Variants in TMC1 observed in about 807,000 individuals in gnomAD.
TMC1 encodes the protein transmembrane channel-like protein 1.
In TMC1, 84 loss-of-function variants were observed where a neutral mutation model predicts 105.8. That is an observed-to-expected ratio of 0.79 (90% CI 0.67 to 0.95). TMC1 has a LOEUF of 0.95. TMC1 is among the 40% of genes least tolerant of loss of function. TMC1 has a pLI of 0.00. For missense variants in TMC1, 817 were observed against 914.1 expected (o/e 0.89, Z 1.37); for synonymous variants, 315 against 311.5 (o/e 1.01, Z -0.12).
chr9:72,782,627 C>T (rs1021062073), intron 13 of TMC1, among the ~76,000 whole-genome samples: 4 of 152,014 alleles, frequency 2.6e-5, no homozygotes, highest in African/African-American at 9.7e-5. Flanking sequence ...GAATAAAAAA[C>T]CAATGTACAT....
Position 72,820,842 on chromosome 9 carries a change from G to A in TMC1, c.1764G>A (p.Trp588Ter), listed in dbSNP as rs368084452. The A allele has an allele frequency of 1.4e-5, 23 of 1,613,978 alleles. No homozygotes were observed. Among genetic ancestry groups the A allele is most frequent in the Non-Finnish European group, 1.9e-5 (23 of 1,180,046 alleles). ...GAGCAGAGTTCTGTTTTCTTTCTAG[G>A]ATGGGCTCCTTCTTTGCTCCCAGCC... ...LALIFNQGMI[W>*]MGSFFAPSLP... is the part of the protein sequence containing the mutation. Residue 588 changes from tryptophan (W) to a stop codon, truncating the protein, a stop_gained and splice_region_variant, in exon 20 of 24, where the codon TGG becomes TGA. Transcript: ENST00000297784. LOFTEE classifies it high-confidence loss of function.
chr9:72,722,823 T>C (rs1462953910), intron 8 of TMC1, among the ~76,000 whole-genome samples: 1 of 152,116 alleles, frequency 6.6e-6, no homozygotes, highest in African/African-American at 2.4e-5. Flanking sequence ...GCTTGCCAAT[T>C]TCCGTGGTGT....
chr9:72,780,230 C>A (rs923749709), intron 13 of TMC1, among the ~76,000 whole-genome samples: 8 of 152,158 alleles, frequency 5.3e-5, no homozygotes, highest in African/African-American at 1.9e-4. Flanking sequence ...TCATTACTAT[C>A]ACACTTGCCT....
rs892242400 is a variant in TMC1, at chr9:72,613,025, C to G, written c.-305-3343C>G. Among the ~76,000 whole-genome samples, 4 of 151,910 alleles carry G rather than the reference C, an allele frequency of 2.6e-5. 1 individual carries two copies. In the South Asian group the frequency reaches 8.3e-4, roughly 32 times the overall value. On this transcript the variant is annotated intron_variant, in intron 2 of 23. Transcript: ENST00000297784. Reference sequence around the variant, plus strand: ...AAGAATCACAGAGTTAATTTTATAACTATGAAGGATTGTTAGGAGCTGAGT... The same window carrying G: ...AAGAATCACAGAGTTAATTTTATAAGTATGAAGGATTGTTAGGAGCTGAGT...
chr9:72,576,298 C>T (rs567721091), intron 1 of TMC1, among the ~76,000 whole-genome samples: 8 of 152,272 alleles, frequency 5.3e-5, no homozygotes, highest in Admixed American at 3.3e-4. Context: ...ATACTCTCAG[C>T]TTGTGGGCCA....
intron 5 of TMC1, among the ~76,000 whole-genome samples, chr9:72,653,618 A>G (rs1825844920): frequency 6.6e-6 from 1 of 152,180 alleles, no homozygotes; most frequent in Admixed American, 6.5e-5. Context: ...CAGCCTTAGT[A>G]TACTTTAGGC....
chr9:72,792,122 C>T, intron 16 of TMC1, 57 bp downstream of exon 16: 1 of 1,613,532 alleles, frequency 6.2e-7, no homozygotes, highest in East Asian at 2.2e-5. Flanking sequence ...TTCCCAGTCT[C>T]AAGTTTGCCA....
intron 5 of TMC1, among the ~76,000 whole-genome samples, chr9:72,687,175 A>T (rs1400926281): frequency 6.6e-6 from 1 of 152,202 alleles, no homozygotes; most frequent in African/African-American, 2.4e-5. Flanking sequence ...AATCATCCTA[A>T]TACATCGTGC....
intron 8 of TMC1, among the ~76,000 whole-genome samples, chr9:72,731,742 T>C (rs529504833): frequency 2.6e-5 from 4 of 152,296 alleles, no homozygotes; most frequent in Non-Finnish European, 1.5e-5. Flanking sequence ...CTTCATTGTC[T>C]ATCTGAAGAC....
chr9:72,538,447 G>A (rs13291941), intron 1 of TMC1, among the ~76,000 whole-genome samples: 79,106 of 151,158 alleles, frequency 0.52, 21,650 homozygotes, highest in African/African-American at 0.69. Context: ...GTATTGTATC[G>A]TATTTTTGAG....
At chr9:72,768,472 A>G (rs930388625) in intron 12 of TMC1, among the ~76,000 whole-genome samples, 2 of 152,200 alleles carry the variant, frequency 1.3e-5, no homozygotes, top group Non-Finnish European at 2.9e-5. Flanking sequence ...AAAGTATAAT[A>G]AAAAGTTAAT....
intron 8 of TMC1, among the ~76,000 whole-genome samples, chr9:72,705,693 C>T (rs144274467): frequency 3.8e-4 from 58 of 152,346 alleles, no homozygotes; most frequent in Non-Finnish European, 6.5e-4. Context: ...GGAGAAGGGA[C>T]AGTTCTAACA....
At chr9:72,723,958 T>C (rs1355666381) in intron 8 of TMC1, among the ~76,000 whole-genome samples, 3 of 152,174 alleles carry the variant, frequency 2.0e-5, no homozygotes, top group African/African-American at 4.8e-5. Flanking sequence ...ATTACTCTCA[T>C]AACTGCCTCA....
chr9:72,569,769 T>A (rs1250082656), intron 1 of TMC1, among the ~76,000 whole-genome samples: 2 of 152,146 alleles, frequency 1.3e-5, no homozygotes, highest in African/African-American at 4.8e-5. Flanking sequence ...TTCTATCTTG[T>A]CAGTAATAAG....
At chr9:72,719,650 A>G (rs1177015108) in intron 8 of TMC1, among the ~76,000 whole-genome samples, 1 of 152,178 alleles carries the variant, frequency 6.6e-6, no homozygotes, top group African/African-American at 2.4e-5. Context: ...AAAGTTCACA[A>G]TGCAAGTCTC....
intron 13 of TMC1, 133 bp from the exon 14 acceptor site, chr9:72,788,206 T>G: frequency 3.1e-6 from 3 of 963,636 alleles, no homozygotes; most frequent in South Asian, 1.5e-5. Context: ...TTCTGGTCAT[T>G]AGAACAAACT....
intron 5 of TMC1, among the ~76,000 whole-genome samples, chr9:72,673,265 A>C (rs1281964797): frequency 6.6e-6 from 1 of 151,394 alleles, no homozygotes; most frequent in Non-Finnish European, 1.5e-5. Flanking sequence ...ATCTCAAGCC[A>C]GTGATCTCAG....
intron 1 of TMC1, among the ~76,000 whole-genome samples, chr9:72,529,768 T>G (rs185794076): frequency 2.0e-5 from 3 of 152,238 alleles, no homozygotes; most frequent in Admixed American, 2.0e-4. Context: ...CCTTTGAGAA[T>G]GTGGTCTGTA....
At chr9:72,691,562 C>T (rs1826466985) in intron 6 of TMC1, among the ~76,000 whole-genome samples, 1 of 152,128 alleles carries the variant, frequency 6.6e-6, no homozygotes, top group Non-Finnish European at 1.5e-5. Context: ...TGTAAATTCT[C>T]AATAAGAGGG....
Sources: allele counts gnomAD v4.1 joint callset (sites outside exome capture counted in the v4.1 genomes callset), GRCh38; gene constraint gnomAD v4.1.1; transcripts MANE v1.5; gene names NCBI Gene and HGNC (gene_info 2026-07-23, HGNC 2026-07-21).